Variants in CTNNA3 observed in about 807,000 individuals in gnomAD.
CTNNA3 encodes catenin alpha 3.
In CTNNA3, 76 loss-of-function variants were observed where a neutral mutation model predicts 95.7. That is an observed-to-expected ratio of 0.79 (90% CI 0.66 to 0.96). The LOEUF (loss-of-function observed/expected upper bound fraction) is 0.96, where lower values mean the gene tolerates loss of function less well. Ranked by LOEUF, CTNNA3 falls within the 40% of genes least tolerant of loss-of-function variation. The pLI is 0.00. For synonymous variants in CTNNA3, 431 were observed against 374.4 expected, an observed-to-expected ratio of 1.15 and a Z score of -1.74; for missense variants, 1,191 against 1,089.8, an observed-to-expected ratio of 1.09 and a Z score of -1.31.
rs536043398 is a variant in CTNNA3, at chr10:66,821,461, A to G, written c.1048-45937T>C. Among the ~76,000 whole-genome samples the G allele has an allele frequency of 2.6e-5, 4 of 152,268 alleles. No individual in the cohort carries two copies. The South Asian group carries it at 8.3e-4, about 32-fold the overall frequency. On this transcript the variant is annotated intron_variant, in intron 7 of 17. Transcript: ENST00000433211. ...AGTTGATGTGAAAAAAGTGGTAGGA[A>G]AGATATAAACTGAGGAATCCAGGTA...
intron 16 of CTNNA3, among the ~76,000 whole-genome samples, chr10:65,979,530 G>T (rs1156460880): frequency 1.3e-5 from 2 of 152,160 alleles, no homozygotes; most frequent in Middle Eastern, 3.4e-3. Flanking sequence ...ACAAATTCTG[G>T]TTATTTGGAA....
intron 7 of CTNNA3, among the ~76,000 whole-genome samples, chr10:67,097,347 C>T (rs773861061): frequency 9.9e-5 from 15 of 151,878 alleles, no homozygotes; most frequent in Admixed American, 3.3e-4. Context: ...ATGTAGGCTA[C>T]TACTTATCCA....
intron 5 of CTNNA3, among the ~76,000 whole-genome samples, chr10:67,397,318 C>A (rs975546086): frequency 6.6e-6 from 1 of 152,134 alleles, no homozygotes; most frequent in Non-Finnish European, 1.5e-5. Context: ...AAAGTCCAGG[C>A]TGAGGTGATC....
intron 7 of CTNNA3, among the ~76,000 whole-genome samples, chr10:66,941,767 C>T (rs1345805604): frequency 1.3e-5 from 2 of 152,100 alleles, no homozygotes; most frequent in East Asian, 3.8e-4. Flanking sequence ...AGAGGGAGCA[C>T]ACAAATGACA....
intron 10 of CTNNA3, among the ~76,000 whole-genome samples, chr10:66,530,465 T>C (rs1841427602): frequency 1.3e-5 from 2 of 152,212 alleles, no homozygotes; most frequent in African/African-American, 2.4e-5. Context: ...ACGTAGTTTT[T>C]CCACATTTCT....
intron 7 of CTNNA3, among the ~76,000 whole-genome samples, chr10:66,963,114 A>C (rs1035342923): frequency 6.6e-6 from 1 of 152,220 alleles, no homozygotes; most frequent in Non-Finnish European, 1.5e-5. Context: ...AAATTATTTT[A>C]AATGTGATGC....
chr10:67,656,290 A>T (rs1185142527), intron 1 of CTNNA3, among the ~76,000 whole-genome samples: 1 of 152,170 alleles, frequency 6.6e-6, no homozygotes, highest in African/African-American at 2.4e-5. Context: ...ATTCTTTTCA[A>T]ATGCTCTTCC....
chr10:66,755,715 A>T (rs542355366), intron 9 of CTNNA3, among the ~76,000 whole-genome samples: 43 of 152,202 alleles, frequency 2.8e-4, no homozygotes, highest in African/African-American at 1.0e-3. Context: ...AGAAATCTAT[A>T]CTCATTCCTC....
chr10:66,610,280 C>T (rs1052913962), intron 10 of CTNNA3, among the ~76,000 whole-genome samples: 29 of 152,140 alleles, frequency 1.9e-4, no homozygotes, highest in African/African-American at 5.8e-4. Context: ...CTTCAGGCCC[C>T]GTGACATGAG....
intron 5 of CTNNA3, among the ~76,000 whole-genome samples, chr10:67,414,746 G>A (rs968762344): frequency 2.0e-5 from 3 of 152,140 alleles, no homozygotes. Context: ...AATCAAGTAG[G>A]CTTTATTCTT....
At chr10:67,440,660 G>A (rs1296671193) in intron 5 of CTNNA3, among the ~76,000 whole-genome samples, 1 of 152,092 alleles carries the variant, frequency 6.6e-6, no homozygotes, top group Non-Finnish European at 1.5e-5. Flanking sequence ...TTGTTTGAGA[G>A]AAAGTAAGAG....
chr10:66,773,319 A>G (rs532736043), intron 8 of CTNNA3, among the ~76,000 whole-genome samples: 1 of 152,256 alleles, frequency 6.6e-6, no homozygotes, highest in Admixed American at 6.5e-5. Context: ...TTTTACTTAC[A>G]GATTATAGAG....
chr10:66,950,838 C>T (rs942784), intron 7 of CTNNA3, among the ~76,000 whole-genome samples: 146,935 of 152,206 alleles, frequency 0.97, 71,142 homozygotes, highest in East Asian at 1. Flanking sequence ...TTAGAGGCTT[C>T]GCACAGTGCA....
chr10:66,642,068 T>C (rs1176023498), intron 9 of CTNNA3, among the ~76,000 whole-genome samples: 2 of 152,048 alleles, frequency 1.3e-5, no homozygotes, highest in Non-Finnish European at 2.9e-5. Flanking sequence ...TTCAATGCCA[T>C]GATATGTGGA....
intron 10 of CTNNA3, among the ~76,000 whole-genome samples, chr10:66,596,296 A>T (rs1843713074): frequency 6.6e-6 from 1 of 152,018 alleles, no homozygotes; most frequent in Non-Finnish European, 1.5e-5. Flanking sequence ...ACTGATATGT[A>T]TTCCCAGGAT....
At chr10:66,806,770 G>A (rs1386784384) in intron 7 of CTNNA3, among the ~76,000 whole-genome samples, 2 of 148,482 alleles carry the variant, frequency 1.3e-5, no homozygotes, top group Admixed American at 6.7e-5. Flanking sequence ...GTGTGTGTGT[G>A]TGTGTGTGTG....
chr10:67,544,677 G>A (rs942108627), intron 3 of CTNNA3, among the ~76,000 whole-genome samples: 1 of 152,172 alleles, frequency 6.6e-6, no homozygotes, highest in African/African-American at 2.4e-5. Context: ...TGAGGTAACT[G>A]TACTTGCCAC....
intron 3 of CTNNA3, among the ~76,000 whole-genome samples, chr10:67,584,721 T>C (rs926583472): frequency 6.6e-6 from 1 of 152,188 alleles, no homozygotes; most frequent in Non-Finnish European, 1.5e-5. Flanking sequence ...TTCACCCAGT[T>C]CAAGTTTCCT....
At chr10:67,716,154 T>C (rs1309144541) in intron 1 of CTNNA3, among the ~76,000 whole-genome samples, 1 of 152,192 alleles carries the variant, frequency 6.6e-6, no homozygotes, top group Non-Finnish European at 1.5e-5. Flanking sequence ...TATTAACAAT[T>C]ATCATGTGTA....
Sources: allele counts gnomAD v4.1 joint callset (sites outside exome capture counted in the v4.1 genomes callset), GRCh38; gene constraint gnomAD v4.1.1; transcripts MANE v1.5; gene names NCBI Gene and HGNC (gene_info 2026-07-23, HGNC 2026-07-21).